The following CABIN1 variants were observed in gnomAD, a reference collection of about 807,000 sequenced individuals.
CABIN1 encodes calcineurin binding protein 1.
CABIN1 carries 133 observed loss-of-function variants against 227.7 expected under a neutral mutation model. That is an observed-to-expected ratio of 0.58 (90% CI 0.51 to 0.67). The LOEUF (loss-of-function observed/expected upper bound fraction) is 0.67, where lower values mean the gene tolerates loss of function less well. Among genes scored for constraint, CABIN1 ranks in the 30% least tolerant of loss-of-function variants. CABIN1 has a pLI of 0.00. For missense variants in CABIN1, 2,408 were observed against 2,852.5 expected (o/e 0.84, Z 3.55); for synonymous variants, 1,086 against 1,155.1 (o/e 0.94, Z 1.21).
intron 1 of CABIN1, among the ~76,000 whole-genome samples, chr22:24,027,859 C>T (rs2036209423): frequency 6.6e-6 from 1 of 152,076 alleles, no homozygotes; most frequent in Non-Finnish European, 1.5e-5. Flanking sequence ...ATTACCCAGG[C>T]TCAGATATTC....
In CABIN1 at chr22:24,062,346, A is replaced by ATTTTT. The variant is rs35757164; in HGVS notation, c.1696+343_1696+347dup. 2.0e-4 allele frequency among the ~76,000 whole-genome samples: 19 copies of ATTTTT among 96,556 alleles called. 1 individual carries two copies. The highest frequency in any genetic ancestry group is 6.1e-4 in the African/African-American group (13 of 21,458). 63.3% of individuals were successfully genotyped at this position (96,556 alleles called of 152,430 possible). On this transcript the variant is annotated intron_variant, in intron 13 of 36. Coordinates refer to ENST00000263119, the MANE Select transcript of CABIN1 (RefSeq NM_012295.4). The stretch of plus-strand genomic sequence containing the variant: ...TTCAGTAATTTTTCTGGTGATACGG[A>ATTTTT]TTTTTTTTTTTTTTTTTTTTTTTTT...
At chr22:24,116,344 G>A (rs892413266) in intron 27 of CABIN1, among the ~76,000 whole-genome samples, 3 of 152,356 alleles carry the variant, frequency 2.0e-5, no homozygotes, top group Admixed American at 6.5e-5. Flanking sequence ...GAGTTGACAA[G>A]CACCTGTTGT....
chr22:24,043,281 A>G (rs1434050898), intron 6 of CABIN1, among the ~76,000 whole-genome samples, 197 bp downstream of exon 6: 1 of 148,034 alleles, frequency 6.8e-6, no homozygotes, highest in Non-Finnish European at 1.5e-5. Flanking sequence ...GTAGTAATAA[A>G]GTAGCATGTT....
intron 30 of CABIN1, among the ~76,000 whole-genome samples, chr22:24,165,189 G>C (rs765889553): frequency 6.6e-6 from 1 of 152,222 alleles, no homozygotes. Flanking sequence ...CACTTGCCAG[G>C]CGATGTGCCA....
chr22:24,015,499 C>T (rs1277981401), intron 1 of CABIN1, among the ~76,000 whole-genome samples: 11 of 151,390 alleles, frequency 7.3e-5, no homozygotes, highest in Non-Finnish European at 1.5e-4. Context: ...CGCCCACCAC[C>T]GCGCCTGGCT....
At chr22:24,123,138 C>A (rs1177754437) in intron 28 of CABIN1, among the ~76,000 whole-genome samples, 1 of 152,152 alleles carries the variant, frequency 6.6e-6, no homozygotes, top group Non-Finnish European at 1.5e-5. Flanking sequence ...TTGACCCAGC[C>A]ATCCCCACCC....
chr22:24,045,057 C>A (rs1217181327), intron 6 of CABIN1, among the ~76,000 whole-genome samples: 2 of 151,934 alleles, frequency 1.3e-5, no homozygotes, highest in Non-Finnish European at 2.9e-5. Flanking sequence ...GTAGCTGGGA[C>A]TACAGGCACC....
At chr22:24,117,800 G>A (rs201188009) in intron 27 of CABIN1, among the ~76,000 whole-genome samples, 2 of 152,358 alleles carry the variant, frequency 1.3e-5, no homozygotes, top group East Asian at 1.9e-4. Flanking sequence ...TGAGAGGCCT[G>A]CATCATCATC....
intron 29 of CABIN1, among the ~76,000 whole-genome samples, chr22:24,139,751 G>A (rs993058752): frequency 3.3e-5 from 5 of 152,194 alleles, no homozygotes; most frequent in African/African-American, 9.6e-5. Flanking sequence ...TGGTTTGTGC[G>A]TCTTTGTGCT....
chr22:24,113,983 A>G (rs978541915), intron 27 of CABIN1, among the ~76,000 whole-genome samples: 9 of 152,192 alleles, frequency 5.9e-5, no homozygotes, highest in Non-Finnish European at 7.3e-5. Context: ...GTGCTCAGGG[A>G]TGCTGCCTGT....
chr22:24,150,267 G>T (rs533030272), intron 29 of CABIN1, among the ~76,000 whole-genome samples: 25 of 152,364 alleles, frequency 1.6e-4, no homozygotes, highest in African/African-American at 5.8e-4. Context: ...GGCGCTGCAG[G>T]TACAGGAAAG....
intron 34 of CABIN1, 66 bp from the exon 35 acceptor site, chr22:24,176,045 C>T: frequency 1.3e-6 from 2 of 1,546,018 alleles, no homozygotes; most frequent in Non-Finnish European, 1.8e-6. Context: ...TAGGACCTGA[C>T]ACAGATGCGT....
intron 1 of CABIN1, among the ~76,000 whole-genome samples, chr22:24,032,724 A>G (rs957222619): frequency 2.0e-5 from 3 of 151,982 alleles, no homozygotes; most frequent in Non-Finnish European, 2.9e-5. Context: ...ACTTTTTTTC[A>G]TATTGTATAG....
intron 15 of CABIN1, 40 bp downstream of exon 15, chr22:24,064,227 T>C (rs1170578465): frequency 6.2e-7 from 1 of 1,610,340 alleles, no homozygotes; most frequent in Non-Finnish European, 8.5e-7. Flanking sequence ...TTTCCTGAGA[T>C]GGAGTTTCAC....
At chr22:24,164,913 T>G (rs2046360560) in intron 30 of CABIN1, among the ~76,000 whole-genome samples, 1 of 152,078 alleles carries the variant, frequency 6.6e-6, no homozygotes, top group Non-Finnish European at 1.5e-5. Flanking sequence ...TAGCTGTGGT[T>G]CCCCAGACAA....
At chr22:24,096,277 G>A (rs1297248414) in intron 25 of CABIN1, among the ~76,000 whole-genome samples, 195 bp downstream of exon 25, 1 of 152,196 alleles carries the variant, frequency 6.6e-6, no homozygotes, top group African/African-American at 2.4e-5. Flanking sequence ...GAAGGAGAGG[G>A]TGAGTGTGAG....
In CABIN1 at chr22:24,080,810, C is replaced by A. The variant is rs527521782; in HGVS notation, c.2749-2418C>A. Among the ~76,000 whole-genome samples the A allele has an allele frequency of 8.5e-5, 13 of 152,198 alleles. No homozygotes were observed. The South Asian group carries it at 2.3e-3, about 27-fold the overall frequency. ...TTATGCACAGCTCCTTTGCTTATTG[C>A]TTCTATTAATTTTAGTGGGTGGTAG... is the stretch of plus-strand genomic sequence containing the variant. On this transcript the variant is annotated intron_variant, in intron 19 of 36. Transcript: ENST00000263119.
At position 24,028,773 on chromosome 22, in the gene CABIN1, T is replaced by G. The variant is rs539602359; in HGVS notation, c.-74-6671T>G. Reference sequence around the variant, plus strand: ...GGGTATGACTGAATAACAGGTGAGCTGTCTAGAAACCACTCATGTACTCAC... The same window carrying G: ...GGGTATGACTGAATAACAGGTGAGCGGTCTAGAAACCACTCATGTACTCAC... On this transcript the variant is annotated intron_variant, in intron 1 of 36. Coordinates refer to ENST00000263119, the MANE Select transcript of CABIN1 (RefSeq NM_012295.4). Among the ~76,000 whole-genome samples, 13 of 152,260 alleles carry G rather than the reference T, an allele frequency of 8.5e-5. No individual in the cohort carries two copies. The East Asian group carries it at 2.3e-3, about 27-fold the overall frequency.
chr22:24,036,444 C>T (rs1185050665), intron 3 of CABIN1, among the ~76,000 whole-genome samples: 1 of 152,194 alleles, frequency 6.6e-6, no homozygotes, highest in African/African-American at 2.4e-5. Flanking sequence ...CTTTGTGCAG[C>T]CCTCAGGAGT....
Sources: allele counts gnomAD v4.1 joint callset (sites outside exome capture counted in the v4.1 genomes callset), GRCh38; gene constraint gnomAD v4.1.1; transcripts MANE v1.5; gene names NCBI Gene and HGNC (gene_info 2026-07-23, HGNC 2026-07-21).